ATAD3C: variants seen among roughly 807,000 people sequenced by gnomAD.
ATAD3C encodes ATPase family AAA domain containing 3C, also known as ATPase family AAA domain-containing protein 3C.
Under a neutral mutation model 46.3 loss-of-function variants are expected in ATAD3C, and 38 were observed. That is an observed-to-expected ratio of 0.82 (90% CI 0.63 to 1.08). The LOEUF is 1.08. ATAD3C is among the 50% of genes least tolerant of loss of function. ATAD3C has a pLI of 0.00. For missense variants in ATAD3C, 563 were observed against 572.7 expected (o/e 0.98, Z 0.17); for synonymous variants, 220 against 236.4 (o/e 0.93, Z 0.63).
At position 1,465,589 on chromosome 1, in the gene ATAD3C, TAA is replaced by T. The variant is rs1156747431; in HGVS notation, c.1090-2771_1090-2770del. On this transcript the variant is annotated intron_variant, in intron 11 of 11. Coordinates refer to ENST00000378785, the MANE Select transcript of ATAD3C (RefSeq NM_001039211.3). ...CTGGGCGACAGAGCAAGACTGTCTT[TAA>T]AAAAAAAAAAAAAAAAAAAAAAAGA... 7.1e-3 allele frequency among the ~76,000 whole-genome samples: 786 copies of T among 110,442 alleles called. 11 individuals carry two copies. Among genetic ancestry groups the T allele is most frequent in the African/African-American group, 0.023 (662 of 28,852 alleles). 72.5% of individuals were successfully genotyped at this position (110,442 alleles called of 152,430 possible). A position where few individuals can be genotyped will look rare whatever the true frequency, so the allele number is the denominator to read the frequency against.
In ATAD3C at chr1:1,468,428, G is replaced by A. The variant is rs754913611; in HGVS notation, c.1134G>A (p.Met378Ile). The A allele has an allele frequency of 9.9e-6, 16 of 1,613,080 alleles. No homozygotes were observed. The highest frequency in any genetic ancestry group is 1.3e-5 in the Non-Finnish European group (15 of 1,179,550). ...ASKDGVLTEAMMDACVQDFVQ... is the reference protein window; with the variant it reads ...ASKDGVLTEAIMDACVQDFVQ... ...AGGACGGGGTCCTGACCGAGGCCAT[G>A]ATGGACGCCTGCGTGCAAGACTTTG... is the stretch of plus-strand genomic sequence containing the variant. Residue 378 changes from methionine (M) to isoleucine (I), a missense_variant, in exon 12 of 12, where the codon ATG (methionine) becomes ATA (isoleucine). This residue lies in a region of ATAD3C where 273 missense variants were observed against 253.5 expected (regional missense o/e 1.08). Transcript: ENST00000378785.
chr1:1,452,532 G>A, intron 3 of ATAD3C, 98 bp downstream of exon 3: 1 of 1,582,824 alleles, frequency 6.3e-7, no homozygotes, highest in South Asian at 1.1e-5. Flanking sequence ...CTCTGCACAG[G>A]TCCTGGCGCT....
At chr1:1,461,037 C>G (rs1273301167) in intron 10 of ATAD3C, 120 bp downstream of exon 10, 1 of 1,307,922 alleles carries the variant, frequency 7.6e-7, no homozygotes, top group South Asian at 1.8e-5. Context: ...CCTCCCTGCC[C>G]TGCGGTTTCG....
At position 1,452,130 on chromosome 1, in the gene ATAD3C, C is replaced by A. The variant is rs1293838327; in HGVS notation, c.152+8C>A. On this transcript the variant is annotated splice_region_variant and intron_variant, in intron 2 of 11. Transcript: ENST00000378785. The stretch of plus-strand genomic sequence containing the variant: ...CTTCTTGGAGTCCATCAGGTGAGCG[C>A]TGCCGAGGCCCGGGCCGGCCGCAGA... The A allele has an allele frequency of 1.2e-6, 2 of 1,612,940 alleles. No homozygotes were observed. Among genetic ancestry groups the A allele is most frequent in the Admixed American group, 3.3e-5 (2 of 59,872 alleles).
chr1:1,452,646 G>A (rs1163626654), intron 3 of ATAD3C, among the ~76,000 whole-genome samples: 1 of 151,826 alleles, frequency 6.6e-6, no homozygotes, highest in Non-Finnish European at 1.5e-5. Flanking sequence ...GCCACACAGT[G>A]AGATGCCATC....
At chr1:1,465,064 T>G (rs1639125075) in intron 11 of ATAD3C, among the ~76,000 whole-genome samples, 1 of 151,070 alleles carries the variant, frequency 6.6e-6, no homozygotes, top group Non-Finnish European at 1.5e-5. Context: ...TTTTGTATTT[T>G]TAGTAGAGAC....
At position 1,455,399 on chromosome 1, in the gene ATAD3C, C is replaced by T. The variant is rs990091722; in HGVS notation, c.379-61C>T. The T allele has an allele frequency of 3.0e-5, 48 of 1,592,082 alleles. No individual in the cohort carries two copies. The East Asian group carries it at 3.4e-4, about 11-fold the overall frequency. ...CTGCGTGTTACCGAGCTTGTGTGTGCGTTGGTGGCTGTTCCGTGGCTGTGG... is the reference window on the plus strand; with the variant it reads ...CTGCGTGTTACCGAGCTTGTGTGTGTGTTGGTGGCTGTTCCGTGGCTGTGG... On this transcript the variant is annotated intron_variant, in intron 4 of 11. Coordinates refer to ENST00000378785, the MANE Select transcript of ATAD3C (RefSeq NM_001039211.3).
At chr1:1,456,770 C>T (rs367776458) in intron 7 of ATAD3C, among the ~76,000 whole-genome samples, 28 of 150,862 alleles carry the variant, frequency 1.9e-4, no homozygotes, top group South Asian at 4.2e-4. Context: ...ACAGTGACCC[C>T]GCGCAGGGCA....
At chr1:1,463,028 C>A (rs1183905977) in intron 11 of ATAD3C, among the ~76,000 whole-genome samples, 5 of 152,082 alleles carry the variant, frequency 3.3e-5, no homozygotes, top group African/African-American at 4.8e-5. Context: ...AGGCACCCCC[C>A]AGTGTGAATG....
intron 10 of ATAD3C, among the ~76,000 whole-genome samples, chr1:1,461,511 G>A (rs866126460): frequency 2.0e-5 from 3 of 150,178 alleles, no homozygotes; most frequent in Non-Finnish European, 4.4e-5. Context: ...TCTTCACTAC[G>A]CGGAGAGCTG....
In ATAD3C at chr1:1,458,998, C is replaced by T. The variant is rs531463501; in HGVS notation, c.742-163C>T. 5.4e-4 allele frequency among the ~76,000 whole-genome samples: 82 copies of T among 152,016 alleles called. 2 individuals carry two copies. Among genetic ancestry groups the T allele is most frequent in the Non-Finnish European group, 1.0e-3 (68 of 67,966 alleles). On this transcript the variant is annotated intron_variant, in intron 8 of 11. Transcript: ENST00000378785. ...AGCCTCCCAAAATCCAGGTTACATT[C>T]GTGAGTCACCGCCCCTGGCCCTGGT...
In ATAD3C at chr1:1,470,089, C is replaced by T. The variant is rs1182524496; in HGVS notation, c.*1559C>T. 6.6e-6 allele frequency: 1 copy of T among 152,066 alleles called. No homozygotes were observed. The highest frequency in any genetic ancestry group is 2.4e-5 in the African/African-American group (1 of 41,406). 9.4% of individuals were successfully genotyped at this position (152,066 alleles called of 1,614,324 possible). The stretch of plus-strand genomic sequence containing the variant: ...GTAAGAACTAGTGATAATCCCACCA[C>T]CCTTTGCTGACTCTCTTTTTGAACT... On this transcript the variant is annotated 3_prime_UTR_variant, in exon 12 of 12. Coordinates refer to ENST00000378785, the MANE Select transcript of ATAD3C (RefSeq NM_001039211.3).
At chr1:1,458,600 G>A (rs1270580063) in intron 8 of ATAD3C, among the ~76,000 whole-genome samples, 2 of 151,734 alleles carry the variant, frequency 1.3e-5, no homozygotes, top group Non-Finnish European at 2.9e-5. Context: ...TTTTTGTAAT[G>A]TTAGTAGAGA....
intron 10 of ATAD3C, 41 bp downstream of exon 10, chr1:1,460,958 G>T: frequency 2.6e-6 from 4 of 1,565,280 alleles, no homozygotes; most frequent in Non-Finnish European, 2.6e-6. Context: ...AGGGGCCCTC[G>T]CTCAGGGTCC....
In ATAD3C at chr1:1,450,562, GGGGGCTTTGAGGTC is replaced by G. The variant is rs1230348213; in HGVS notation, c.-120_-107del. ...GGAAGGAGGATGGGGAGGCAGGGCT[GGGGGCTTTGAGGTC>G]GAGGCGTGGCCGTGGATTCCAGAAA... On this transcript the variant is annotated 5_prime_UTR_variant, in exon 1 of 12. It removes the in-frame stop codon of an upstream open reading frame in the 5' UTR. Transcript: ENST00000378785. 7.9e-7 allele frequency: 1 copy of G among 1,270,144 alleles called. No individual in the cohort carries two copies. Among genetic ancestry groups the G allele is most frequent in the African/African-American group, 1.5e-5 (1 of 67,784 alleles). 78.7% of individuals were successfully genotyped at this position (1,270,144 alleles called of 1,614,324 possible).
intron 8 of ATAD3C, among the ~76,000 whole-genome samples, chr1:1,458,459 T>C (rs572088968): frequency 6.6e-6 from 1 of 151,468 alleles, no homozygotes; most frequent in African/African-American, 2.4e-5. Flanking sequence ...TTTTTTTTTT[T>C]ACTAGAGACT....
rs1040464858 is a variant in ATAD3C at position 1,450,726 on chromosome 1, A to G, written c.43A>G (p.Thr15Ala). The stretch of plus-strand genomic sequence containing the variant: ...GAATCTGGCGCAGATGCAGGAGCAG[A>G]CGCTGCAGTTGGAGCAACAGTCCAA... ...ALNLAQMQEQ[T>A]LQLEQQSKLK... is the part of the protein sequence containing the mutation. Residue 15 changes from threonine to alanine, a missense_variant, in exon 1 of 12, where the codon ACG becomes GCG. Transcript: ENST00000378785. The G allele has an allele frequency of 6.2e-7, 1 of 1,613,140 alleles. No homozygotes were observed. Among genetic ancestry groups the G allele is most frequent in the Non-Finnish European group, 8.5e-7 (1 of 1,179,592 alleles).
chr1:1,467,777 G>C (rs1473961843), intron 11 of ATAD3C, among the ~76,000 whole-genome samples: 2 of 152,080 alleles, frequency 1.3e-5, no homozygotes, highest in Non-Finnish European at 2.9e-5. Context: ...CCCTTTGCTG[G>C]CATTGGGATG....
intron 8 of ATAD3C, 142 bp downstream of exon 8, chr1:1,457,322 T>C (rs1638980525): frequency 5.0e-6 from 7 of 1,404,326 alleles, no homozygotes; most frequent in African/African-American, 2.8e-5. Flanking sequence ...TGGCCAGGTG[T>C]GGAGGCTCAC....
Sources: gnomAD v4.1 joint callset for allele counts (sites outside exome capture counted in the v4.1 genomes callset) on GRCh38, gnomAD v4.1.1 for gene constraint, gnomAD v4.1.1 regional missense constraint, MANE v1.5 for transcripts, NCBI Gene and HGNC (gene_info 2026-07-23, HGNC 2026-07-21) for gene names.